The following KDM5A variants were observed in gnomAD, a reference collection of about 807,000 sequenced individuals.
KDM5A encodes the protein lysine demethylase 5A, also known as lysine-specific demethylase 5A.
KDM5A carries 42 observed loss-of-function variants against 193.5 expected under a neutral mutation model. The ratio of observed to expected loss-of-function variants is 0.22; its 90% CI spans 0.17 to 0.28. The LOEUF (loss-of-function observed/expected upper bound fraction) is 0.28, where lower values mean the gene tolerates loss of function less well. Among genes scored for constraint, KDM5A ranks in the 10% least tolerant of loss-of-function variants. KDM5A has a pLI of 1.00. For synonymous variants in KDM5A, 796 were observed against 718.1 expected (o/e 1.11, Z -1.73); for missense variants, 1,692 against 2,055.1 (o/e 0.82, Z 3.42).
intron 3 of KDM5A, among the ~76,000 whole-genome samples, chr12:373,697 GCTTT>G (rs1463169015): frequency 6.6e-6 from 1 of 152,134 alleles, no homozygotes; most frequent in Non-Finnish European, 1.5e-5. Context: ...GATCTTTCCT[GCTTT>G]CTCTTGTGGG....
rs1943172028 is a variant in KDM5A at position 282,772 on chromosome 12, A to G, written c.*2684T>C. On this transcript the variant is annotated 3_prime_UTR_variant, in exon 28 of 28. Transcript: ENST00000399788. ...ATTTTAAATCATGTCTTAATACAAA[A>G]TATTACAATACAGAAGGGAGCAAGT... 4.3e-6 allele frequency: 1 copy of G among 232,780 alleles called. No homozygotes were observed. The highest frequency in any genetic ancestry group is 8.5e-6 in the Non-Finnish European group (1 of 117,784). 14.4% of individuals were successfully genotyped at this position (232,780 alleles called of 1,614,324 possible).
intron 10 of KDM5A, among the ~76,000 whole-genome samples, chr12:349,333 T>TA (rs1219496040): frequency 1.4e-4 from 20 of 142,528 alleles, no homozygotes; most frequent in African/African-American, 5.2e-4. Flanking sequence ...TTCTAGACTT[T>TA]TTTTTTTTTT....
intron 19 of KDM5A, among the ~76,000 whole-genome samples, chr12:316,473 TGAAA>T (rs1943651787): frequency 6.6e-6 from 1 of 152,150 alleles, no homozygotes; most frequent in Non-Finnish European, 1.5e-5. Flanking sequence ...ACAATGAATT[TGAAA>T]GAGAGATATG....
At chr12:297,014 C>A in intron 25 of KDM5A, 27 bp downstream of exon 25, 1 of 1,609,842 alleles carries the variant, frequency 6.2e-7, no homozygotes, top group South Asian at 1.1e-5. Context: ...TGCTTATGTT[C>A]CCCACAGTTT....
intron 4 of KDM5A, among the ~76,000 whole-genome samples, chr12:364,706 G>A (rs1234010535): frequency 4.3e-5 from 6 of 140,580 alleles, no homozygotes; most frequent in African/African-American, 1.3e-4. Context: ...AATGGCGTGA[G>A]CCCAGGAGGC....
intron 10 of KDM5A, among the ~76,000 whole-genome samples, chr12:338,123 C>T (rs1476539760): frequency 6.6e-6 from 1 of 152,140 alleles, no homozygotes; most frequent in East Asian, 1.9e-4. Context: ...AGACTGGTGT[C>T]CTTTGAAAGG....
intron 9 of KDM5A, 99 bp from the exon 10 acceptor site, chr12:350,878 G>T: frequency 1.8e-6 from 2 of 1,091,038 alleles, no homozygotes; most frequent in Non-Finnish European, 2.8e-6. Flanking sequence ...CCCATGATGA[G>T]ATTAAAAATC....
At position 292,848 on chromosome 12, in the gene KDM5A, A is replaced by C; in HGVS notation, c.4777T>G (p.Ser1593Ala). 2 of 1,614,066 alleles carry C rather than the reference A, an allele frequency of 1.2e-6. No individual in the cohort carries two copies. Among genetic ancestry groups the C allele is most frequent in the Admixed American group, 3.3e-5 (2 of 60,004 alleles). The change falls in exon 27 of 28, where the codon TCA (serine) becomes GCA (alanine). Residue 1593 changes from serine (S) to alanine (A), a missense_variant. Ser to Ala is a moderately conservative substitution (Grantham distance 99). Coordinates refer to ENST00000399788, the MANE Select transcript of KDM5A (RefSeq NM_001042603.3). ...TCTGCTCCTGACCAGTCATACTTTG[A>C]GGGGATGTCCAGCACCTTTTTCTCT... ...KREKKVLDIP[S>A]KYDWSGAEES... is the part of the protein sequence containing the mutation.
At chr12:350,391 G>A (rs897763205) in intron 10 of KDM5A, among the ~76,000 whole-genome samples, 8 of 147,100 alleles carry the variant, frequency 5.4e-5, no homozygotes, top group Admixed American at 1.4e-4. Flanking sequence ...AGCTAAGCTC[G>A]CGCTCCAGCC....
chr12:383,997 T>G, intron 3 of KDM5A, 34 bp downstream of exon 3: 1 of 1,606,886 alleles, frequency 6.2e-7, no homozygotes, highest in Middle Eastern at 1.7e-4. Flanking sequence ...TTCACAAGCC[T>G]GTGCTCTAAT....
At chr12:351,163 C>CT (rs1944153664) in intron 9 of KDM5A, among the ~76,000 whole-genome samples, 1 of 152,006 alleles carries the variant, frequency 6.6e-6, no homozygotes, top group Non-Finnish European at 1.5e-5. Flanking sequence ...TTTAATTATA[C>CT]TTTAAGTTCT....
chr12:308,100 T>C (rs945669476), intron 22 of KDM5A, 95 bp from the exon 23 acceptor site: 200 of 1,392,816 alleles, frequency 1.4e-4, no homozygotes, highest in Non-Finnish European at 1.8e-4. Flanking sequence ...TCCCAAGTTA[T>C]CAGTTATAAA....
chr12:307,634 T>C lies in KDM5A; in HGVS notation c.3750A>G (p.Thr1250=). Residue 1250 remains threonine, a synonymous_variant, in exon 23 of 28, where the codon ACA becomes ACG. Coordinates refer to ENST00000399788, the MANE Select transcript of KDM5A (RefSeq NM_001042603.3). This position sits in a 1 kb window ranked among gnomAD's most constrained non-coding sequence, Gnocchi z 4.3. ...TATCTTGCCAACTCATAGCACGTTC[T>C]GTCAAACACTGCAGGGCCTCTCCTT... ...LPEGEALQCL[T]ERAMSWQDRA... The C allele has an allele frequency of 1.2e-6, 2 of 1,614,218 alleles. No homozygotes were observed. Among genetic ancestry groups the C allele is most frequent in the African/African-American group, 1.3e-5 (1 of 75,056 alleles).
chr12:310,942 C>G lies in KDM5A; in HGVS notation c.3159G>C (p.Trp1053Cys), dbSNP rs1943577166. 6.2e-7 allele frequency: 1 copy of G among 1,614,196 alleles called. No individual in the cohort carries two copies. Reference protein sequence around the residue: ...VESQVAAARAWRERTGRTFLK... With the variant: ...VESQVAAARACRERTGRTFLK... Reference sequence around the variant, plus strand: ...GAAACGTCCGCCCAGTCCGTTCTCTCCATGCCCGTGCTGCTGCTACCTGTG... The same window carrying G: ...GAAACGTCCGCCCAGTCCGTTCTCTGCATGCCCGTGCTGCTGCTACCTGTG... Residue 1053 changes from tryptophan (W) to cysteine (C), a missense_variant, in exon 21 of 28, where the codon TGG becomes TGC. Physicochemically the swap from Trp to Cys is radical, Grantham distance 215. Coordinates refer to ENST00000399788, the MANE Select transcript of KDM5A (RefSeq NM_001042603.3).
rs879867116 is a variant in KDM5A, at chr12:386,908, CAA to C, written c.166-936_166-935del. Among the ~76,000 whole-genome samples the C allele has an allele frequency of 5.3e-3, 701 of 133,246 alleles. 4 individuals are homozygous for C. The highest frequency in any genetic ancestry group is 0.017 in the African/African-American group (609 of 36,276). 87.4% of individuals were successfully genotyped at this position (133,246 alleles called of 152,430 possible). A position where few individuals can be genotyped will look rare whatever the true frequency, so the allele number is the denominator to read the frequency against. ...AGTAAACATTCAGGTTTACCAAGAT[CAA>C]AAAAAAAAAACTTGTGTTTAAACTA... On this transcript the variant is annotated intron_variant, in intron 1 of 27. Coordinates refer to ENST00000399788, the MANE Select transcript of KDM5A (RefSeq NM_001042603.3).
chr12:323,678 G>C lies in KDM5A; in HGVS notation c.2072C>G (p.Ser691Cys), dbSNP rs2137411840. The part of the protein sequence containing the change: ...TTCFLSALTC[S>C]CNPERLVCLY... ...ACATACAAGCCGCTCAGGATTACAGGAACATGTGAGAGCAGAGAGAAAACA... is the reference window on the plus strand; with the variant it reads ...ACATACAAGCCGCTCAGGATTACAGCAACATGTGAGAGCAGAGAGAAAACA... Residue 691 changes from serine (S) to cysteine (C), a missense_variant, in exon 15 of 28, where the codon TCC becomes TGC. Physicochemically the swap from Ser to Cys is moderately radical, Grantham distance 112. Transcript: ENST00000399788. The C allele has an allele frequency of 2.5e-6, 4 of 1,614,084 alleles. No homozygotes were observed. Among genetic ancestry groups the C allele is most frequent in the Non-Finnish European group, 2.5e-6 (3 of 1,179,944 alleles).
At chr12:335,006 A>G (rs543694508) in intron 10 of KDM5A, among the ~76,000 whole-genome samples, 1 of 152,234 alleles carries the variant, frequency 6.6e-6, no homozygotes, top group East Asian at 1.9e-4. Flanking sequence ...ACACCTAGAA[A>G]TACCGGATAA....
chr12:323,475 TAGA>T, intron 15 of KDM5A, 122 bp downstream of exon 15: 1 of 1,061,246 alleles, frequency 9.4e-7, no homozygotes, highest in South Asian at 1.4e-5. Context: ...TCTTCAAGCC[TAGA>T]AGTAGACAGT....
intron 24 of KDM5A, among the ~76,000 whole-genome samples, chr12:298,821 G>A (rs1213537732): frequency 6.6e-6 from 1 of 152,058 alleles, no homozygotes; most frequent in Admixed American, 6.5e-5. Context: ...TAGAGGAATT[G>A]CTAACTAGAA....
Sources: gnomAD v4.1 joint callset for allele counts (sites outside exome capture counted in the v4.1 genomes callset) on GRCh38, gnomAD v4.1.1 for gene constraint, Gnocchi (gnomAD v3.1) non-coding constraint, MANE v1.5 for transcripts, NCBI Gene and HGNC (gene_info 2026-07-23, HGNC 2026-07-21) for gene names.